The following POLR3B variants were observed in gnomAD, a reference collection of about 807,000 sequenced individuals.
POLR3B encodes RNA polymerase III subunit B, also known as DNA-directed RNA polymerase III subunit RPC2.
POLR3B carries 96 observed loss-of-function variants against 147.4 expected under a neutral mutation model. The ratio of observed to expected loss-of-function variants is 0.65; its 90% confidence interval spans 0.55 to 0.77. The LOEUF (loss-of-function observed/expected upper bound fraction) is 0.77, where lower values mean the gene tolerates loss of function less well. Ranked by LOEUF, POLR3B falls within the 30% of genes least tolerant of loss-of-function variation. The probability of loss-of-function intolerance (pLI) is 0.00; values close to 1 mark genes in which losing one functional copy is unlikely to be tolerated. For synonymous variants in POLR3B, 461 were observed against 485.9 expected (o/e 0.95, Z 0.67); for missense variants, 1,036 against 1,413.5 (o/e 0.73, Z 4.28).
chr12:106,386,099 G>A (rs995430611), intron 9 of POLR3B, among the ~76,000 whole-genome samples: 5 of 151,988 alleles, frequency 3.3e-5, no homozygotes, highest in Non-Finnish European at 7.4e-5. Flanking sequence ...TAATCCCATC[G>A]CTTTGGGAGG....
At chr12:106,484,843 C>A (rs1301510249) in intron 23 of POLR3B, among the ~76,000 whole-genome samples, 6 of 151,716 alleles carry the variant, frequency 4.0e-5, no homozygotes, top group Non-Finnish European at 7.4e-5. Context: ...AGTTCTGAGG[C>A]ACGAATAAGC....
chr12:106,407,174 T>C (rs900352449), intron 11 of POLR3B, among the ~76,000 whole-genome samples: 5 of 152,200 alleles, frequency 3.3e-5, no homozygotes, highest in South Asian at 4.1e-4. Context: ...TTTTGGATGA[T>C]TGGAAGAGTC....
intron 23 of POLR3B, among the ~76,000 whole-genome samples, chr12:106,489,376 T>C (rs1413911782): frequency 1.3e-5 from 2 of 152,236 alleles, no homozygotes; most frequent in South Asian, 4.1e-4. Flanking sequence ...TATGCGTATA[T>C]GGATAAAATC....
intron 1 of POLR3B, chr12:106,358,320 T>A: frequency 2.8e-6 from 3 of 1,059,136 alleles, no homozygotes; most frequent in Non-Finnish European, 2.4e-6. Flanking sequence ...CTCAGGCCAT[T>A]TGCATGAGGC....
At chr12:106,479,796 CTTCTTTTCTT>C (rs71072680) in intron 23 of POLR3B, among the ~76,000 whole-genome samples, 31 of 134,018 alleles carry the variant, frequency 2.3e-4, no homozygotes, top group South Asian at 7.2e-4. Context: ...TCTTTCCTTC[CTTCTTTTCTT>C]TTCTTTTCTT....
intron 12 of POLR3B, among the ~76,000 whole-genome samples, chr12:106,423,068 A>C (rs1359314875): frequency 6.6e-6 from 1 of 152,170 alleles, no homozygotes; most frequent in Non-Finnish European, 1.5e-5. Context: ...TAGACATTTT[A>C]AATAAAAATA....
At chr12:106,403,209 A>G (rs2037096304) in intron 10 of POLR3B, among the ~76,000 whole-genome samples, 1 of 151,958 alleles carries the variant, frequency 6.6e-6, no homozygotes, top group Admixed American at 6.5e-5. Flanking sequence ...ACATGAAAAA[A>G]TGCTCATCAT....
At chr12:106,406,989 G>A (rs555145380) in intron 11 of POLR3B, among the ~76,000 whole-genome samples, 1 of 152,296 alleles carries the variant, frequency 6.6e-6, no homozygotes, top group East Asian at 1.9e-4. Flanking sequence ...GAAGTCGAGA[G>A]TAACCACCTG....
chr12:106,426,606 C>T (rs928083330), intron 12 of POLR3B, among the ~76,000 whole-genome samples: 4 of 152,046 alleles, frequency 2.6e-5, no homozygotes, highest in African/African-American at 7.2e-5. Context: ...TGAGCCACCA[C>T]GCCCGGGTGC....
chr12:106,464,793 T>C (rs1322249647), intron 23 of POLR3B, among the ~76,000 whole-genome samples: 1 of 152,250 alleles, frequency 6.6e-6, no homozygotes, highest in African/African-American at 2.4e-5. Flanking sequence ...TGATTTTAAG[T>C]TTCTTTGCCA....
chr12:106,424,091 T>C (rs908072116), intron 12 of POLR3B, among the ~76,000 whole-genome samples: 3 of 152,114 alleles, frequency 2.0e-5, no homozygotes, highest in African/African-American at 7.2e-5. Context: ...CCTGACCTCA[T>C]GATCCACCCG....
At chr12:106,478,008 A>G (rs1399539174) in intron 23 of POLR3B, among the ~76,000 whole-genome samples, 1 of 143,210 alleles carries the variant, frequency 7.0e-6, no homozygotes, top group Non-Finnish European at 1.5e-5. Context: ...GGGTTCAAGC[A>G]ATTCTTCTGC....
At chr12:106,484,023 A>G (rs11113011) in intron 23 of POLR3B, among the ~76,000 whole-genome samples, 54,600 of 152,020 alleles carry the variant, frequency 0.36, 10,523 homozygotes, top group African/African-American at 0.48. Flanking sequence ...TGATGCACAG[A>G]CAGGAGGCAG....
intron 19 of POLR3B, among the ~76,000 whole-genome samples, chr12:106,453,852 T>A (rs1166500848): frequency 6.6e-6 from 1 of 152,138 alleles, no homozygotes; most frequent in Non-Finnish European, 1.5e-5. Context: ...CACCCCTGAT[T>A]GGGCTGTACC....
intron 23 of POLR3B, 141 bp from the exon 24 acceptor site, chr12:106,495,913 CT>C: frequency 1.3e-6 from 1 of 756,294 alleles, no homozygotes; most frequent in South Asian, 1.4e-5. Context: ...TTGAAAATCA[CT>C]TTTGTTGCTC....
At chr12:106,390,914 C>T (rs1565881450) in intron 9 of POLR3B, among the ~76,000 whole-genome samples, 1 of 152,082 alleles carries the variant, frequency 6.6e-6, no homozygotes, top group Non-Finnish European at 1.5e-5. Context: ...GTAGCATGTG[C>T]CTGTAGTCCC....
intron 23 of POLR3B, among the ~76,000 whole-genome samples, chr12:106,480,702 T>C (rs943467413): frequency 7.2e-5 from 11 of 152,212 alleles, no homozygotes; most frequent in African/African-American, 2.7e-4. Flanking sequence ...TATAGACATT[T>C]ATTTATACAA....
intron 6 of POLR3B, among the ~76,000 whole-genome samples, chr12:106,375,892 C>G (rs972988373): frequency 1.3e-5 from 2 of 152,222 alleles, no homozygotes; most frequent in Non-Finnish European, 2.9e-5. Flanking sequence ...GAGCCTCACT[C>G]TGGAGTGCAG....
chr12:106,455,003 T>C (rs917001723), intron 20 of POLR3B, among the ~76,000 whole-genome samples: 3 of 152,334 alleles, frequency 2.0e-5, no homozygotes, highest in Non-Finnish European at 2.9e-5. Flanking sequence ...GTGTTTGTTT[T>C]CCAGCAGGAA....
Sources: allele counts gnomAD v4.1 joint callset (sites outside exome capture counted in the v4.1 genomes callset), GRCh38; gene constraint gnomAD v4.1.1; transcripts MANE v1.5; gene names NCBI Gene and HGNC (gene_info 2026-07-23, HGNC 2026-07-21).